Variants in SLC6A16 observed in about 807,000 individuals in gnomAD.
The protein encoded by SLC6A16 is solute carrier family 6 member 16, also known as orphan sodium- and chloride-dependent neurotransmitter transporter NTT5.
SLC6A16 carries 54 observed loss-of-function variants against 65.4 expected under a neutral mutation model. That is an observed-to-expected ratio of 0.83 (90% CI 0.66 to 1.04). SLC6A16 has a LOEUF of 1.04. Among genes scored for constraint, SLC6A16 ranks in the 50% least tolerant of loss-of-function variants. The probability of loss-of-function intolerance (pLI) is 0.00; values close to 1 mark genes in which losing one functional copy is unlikely to be tolerated. For missense variants in SLC6A16, 816 were observed against 914.0 expected, an observed-to-expected ratio of 0.89 and a Z score of 1.38; for synonymous variants, 330 against 346.5, an observed-to-expected ratio of 0.95 and a Z score of 0.53.
intron 7 of SLC6A16, among the ~76,000 whole-genome samples, chr19:49,298,042 GAACA>G (rs1970216989): frequency 6.6e-6 from 1 of 152,204 alleles, no homozygotes; most frequent in South Asian, 2.1e-4. Flanking sequence ...GACAATATGT[GAACA>G]AACAATGGCT....
the SLC6A16 span, chr19:49,339,883 T>C: frequency 7.5e-7 from 1 of 1,341,584 alleles, no homozygotes; most frequent in Non-Finnish European, 9.6e-7. This position sits in a 1 kb window ranked among gnomAD's most constrained non-coding sequence, Gnocchi z 4.5. Flanking sequence ...CCTGGGGCTC[T>C]GGCCGCTGTG....
chr19:49,301,212 C>CA (rs1156303350), intron 7 of SLC6A16, among the ~76,000 whole-genome samples: 2 of 152,170 alleles, frequency 1.3e-5, no homozygotes, highest in African/African-American at 4.8e-5. Flanking sequence ...CCCGAGCCAG[C>CA]ACTGCTCAGC....
chr19:49,337,519 G>T, the SLC6A16 span: 3 of 754,674 alleles, frequency 4.0e-6, no homozygotes, highest in South Asian at 5.4e-5. Flanking sequence ...CTACTTGGGA[G>T]GTCGAGGTGG....
At chr19:49,336,230 G>A in the SLC6A16 span, 2 of 178,608 alleles carry the variant, frequency 1.1e-5, no homozygotes, top group Admixed American at 5.5e-5. Context: ...GTTGAGGACT[G>A]GGTTGAACAC....
chr19:49,329,278 G>A (rs1970825881), upstream of SLC6A16, among the ~76,000 whole-genome samples: 1 of 151,888 alleles, frequency 6.6e-6, no homozygotes, highest in African/African-American at 2.4e-5. Context: ...TAGTAGAGAC[G>A]GGGTTTCACT....
At chr19:49,322,817 CTTTTTTTTTTTTTTTTTTTTTTTTTTT>C (rs536909742) in intron 1 of SLC6A16, among the ~76,000 whole-genome samples, 14 of 41,964 alleles carry the variant, frequency 3.3e-4, no homozygotes, top group Admixed American at 7.8e-4. Flanking sequence ...GAATTAGTAG[CTTTTTTTTTTTTTTTTTTTTTTTTTTT>C]TTTTTTTTTT....
the SLC6A16 span, among the ~76,000 whole-genome samples, chr19:49,330,598 T>C: frequency 4.6e-5 from 7 of 152,094 alleles, no homozygotes; most frequent in African/African-American, 1.4e-4. Flanking sequence ...ATGGGTAGAA[T>C]TGCTGTTCTC....
chr19:49,309,739 G>A lies in SLC6A16; in HGVS notation c.788C>T (p.Ser263Leu). 6.2e-7 allele frequency: 1 copy of A among 1,613,904 alleles called. No homozygotes were observed. The highest frequency in any genetic ancestry group is 8.5e-7 in the Non-Finnish European group (1 of 1,179,810). Reference sequence around the variant, plus strand: ...GGGCAGGACCAGACTGTAGACTGGTGACCCGCCATCCTCGATTCTGTCTGA... The same window carrying A: ...GGGCAGGACCAGACTGTAGACTGGTAACCCGCCATCCTCGATTCTGTCTGA... ...KASDRIEDGGSPVYSLVLPFF... is the reference protein window; with the variant it reads ...KASDRIEDGGLPVYSLVLPFF... Residue 263 changes from serine (S) to leucine (L), a missense_variant, in exon 5 of 12, where the codon TCA (serine) becomes TTA (leucine). Coordinates refer to ENST00000335875, the MANE Select transcript of SLC6A16 (RefSeq NM_014037.3).
the SLC6A16 span, chr19:49,335,601 T>C: frequency 1.2e-6 from 2 of 1,613,512 alleles, no homozygotes; most frequent in Non-Finnish European, 1.7e-6. The surrounding 1 kb of genome is among the most constrained non-coding windows in gnomAD (Gnocchi z 4.6). Context: ...TTTCAACCTC[T>C]TCTTCTTCGT....
At chr19:49,336,516 T>C in the SLC6A16 span, 5 of 178,844 alleles carry the variant, frequency 2.8e-5, no homozygotes, top group South Asian at 5.4e-4. Context: ...CGAGATCACA[T>C]CACTGCACTC....
In SLC6A16 at chr19:49,310,615, G is replaced by A. The variant is rs1310812946; in HGVS notation, c.416-105C>T. The stretch of plus-strand genomic sequence containing the variant: ...CTCCCTACCAGCGACCTCTTCCAGG[G>A]CCACAGGCATCAGGGCTCACCCATG... On this transcript the variant is annotated intron_variant, in intron 2 of 11. Transcript: ENST00000335875. 13 of 1,239,896 alleles carry A rather than the reference G, an allele frequency of 1.0e-5. No individual in the cohort carries two copies. In the East Asian group the frequency reaches 2.6e-4, roughly 25 times the overall value. 76.8% of individuals were successfully genotyped at this position (1,239,896 alleles called of 1,614,324 possible). A position where few individuals can be genotyped will look rare whatever the true frequency, so the allele number is the denominator to read the frequency against.
Position 49,308,309 on chromosome 19 carries a change from C to T in SLC6A16, c.1229+567G>A, listed in dbSNP as rs147091306. Among the ~76,000 whole-genome samples, 1,065 of 152,112 alleles carry T rather than the reference C, an allele frequency of 7.0e-3. 20 individuals carry two copies. The highest frequency in any genetic ancestry group is 0.023 in the African/African-American group (961 of 41,494). On this transcript the variant is annotated intron_variant, in intron 7 of 11. Coordinates refer to ENST00000335875, the MANE Select transcript of SLC6A16 (RefSeq NM_014037.3). ...TTACTAAAAATACAAAAAAATTAGC[C>T]GGGCCTGGTGATGGGCACCTGTAGT...
intron 1 of SLC6A16, among the ~76,000 whole-genome samples, chr19:49,316,738 G>C (rs79088645): frequency 0.018 from 2,698 of 152,108 alleles, 76 homozygotes; most frequent in African/African-American, 0.055. Context: ...ATGAAGGATA[G>C]GCCAGACACA....
chr19:49,320,039 C>T (rs1646912521), intron 1 of SLC6A16, among the ~76,000 whole-genome samples: 1 of 152,056 alleles, frequency 6.6e-6, no homozygotes, highest in Non-Finnish European at 1.5e-5. Flanking sequence ...AACGAAAACA[C>T]ACATACTAAA....
chr19:49,313,625 C>CAAA (rs902187308), intron 1 of SLC6A16, among the ~76,000 whole-genome samples: 36 of 47,324 alleles, frequency 7.6e-4, no homozygotes, highest in African/African-American at 9.3e-4. Context: ...ACTAAAAATG[C>CAAA]AAAAAAAAAA....
In SLC6A16 at chr19:49,293,352, C is replaced by A. The variant is rs1970116588; in HGVS notation, c.1649G>T (p.Gly550Val). 2 of 1,614,022 alleles carry A rather than the reference C, an allele frequency of 1.2e-6. No individual in the cohort carries two copies. The highest frequency in any genetic ancestry group is 1.7e-6 in the Non-Finnish European group (2 of 1,180,030). ...VGVFLLMFVC[G>V]LFFTRPSGSY... ...GCCTGAAGGTCGAGTGAAGAAGAGG[C>A]CGCACACGAACATGAGCAAAAAGAC... The change falls in exon 10 of 12, where the codon GGC (glycine) becomes GTC (valine). Residue 550 changes from glycine (G) to valine (V), a missense_variant. Coordinates refer to ENST00000335875, the MANE Select transcript of SLC6A16 (RefSeq NM_014037.3).
the SLC6A16 span, chr19:49,339,976 G>C: frequency 1.4e-6 from 2 of 1,426,164 alleles, no homozygotes; most frequent in Non-Finnish European, 9.2e-7. This position sits in a 1 kb window ranked among gnomAD's most constrained non-coding sequence, Gnocchi z 4.5. Flanking sequence ...GGCAGAGGGG[G>C]AAGACAGATG....
At chr19:49,295,878 C>A (rs1285859321) in intron 7 of SLC6A16, among the ~76,000 whole-genome samples, 1 of 152,224 alleles carries the variant, frequency 6.6e-6, no homozygotes, top group African/African-American at 2.4e-5. Flanking sequence ...AAAAATGAAG[C>A]AGAAGCTTGC....
Position 49,296,610 on chromosome 19 carries a change from C to A in SLC6A16, c.1230-2057G>T, listed in dbSNP as rs1173131999. Among the ~76,000 whole-genome samples, 8 of 152,120 alleles carry A rather than the reference C, an allele frequency of 5.3e-5. 1 individual carries two copies. The highest frequency in any genetic ancestry group is 8.8e-5 in the Non-Finnish European group (6 of 68,020). On this transcript the variant is annotated intron_variant, in intron 7 of 11. Transcript: ENST00000335875. ...AAATAGAAAAAAATTTAATTTTGAT[C>A]CTTGCCTCATACCTTATACAGAAAT...
Sources: allele counts gnomAD v4.1 joint callset (sites outside exome capture counted in the v4.1 genomes callset), GRCh38; gene constraint gnomAD v4.1.1; non-coding constraint Gnocchi (gnomAD v3.1); transcripts MANE v1.5; gene names NCBI Gene and HGNC (gene_info 2026-07-23, HGNC 2026-07-21).